The following COL10A1 variants were observed in gnomAD, a reference collection of about 807,000 sequenced individuals.
The protein encoded by COL10A1 is collagen type X alpha 1 chain, also known as collagen alpha-1(X) chain.
A neutral mutation model predicts 18.2 loss-of-function variants in COL10A1; 10 were observed. The observed-to-expected ratio is 0.55, with a 90% CI of 0.34 to 0.93. COL10A1 has a LOEUF of 0.93. COL10A1 is among the 40% of genes least tolerant of loss of function. COL10A1 has a pLI of 0.02. For missense variants in COL10A1, 897 were observed against 853.5 expected, an observed-to-expected ratio of 1.05 and a Z score of -0.64; for synonymous variants, 330 against 316.6, an observed-to-expected ratio of 1.04 and a Z score of -0.45.
chr6:116,200,002 G>GA, the COL10A1 span, among the ~76,000 whole-genome samples: 1 of 101,204 alleles, frequency 9.9e-6, no homozygotes, highest in Admixed American at 1.2e-4. Context: ...TGGAAAGTGG[G>GA]GGGGGAAGAG....
chr6:116,192,727 A>G, the COL10A1 span, among the ~76,000 whole-genome samples: 5 of 152,062 alleles, frequency 3.3e-5, no homozygotes, highest in Non-Finnish European at 7.4e-5. Context: ...ACTAACCAGA[A>G]TCTATCTGGT....
At chr6:116,214,974 A>G in the COL10A1 span, among the ~76,000 whole-genome samples, 15 of 152,062 alleles carry the variant, frequency 9.9e-5, no homozygotes, top group African/African-American at 2.9e-4. Context: ...AGAGGTCTCT[A>G]GGGTGGGGGG....
chr6:116,170,265 G>T, the COL10A1 span, among the ~76,000 whole-genome samples: 1 of 152,146 alleles, frequency 6.6e-6, no homozygotes, highest in Non-Finnish European at 1.5e-5. Flanking sequence ...TGATTGGGGG[G>T]TGTGACCTGA....
At chr6:116,122,018 GA>G (rs908012894) in intron 2 of COL10A1, 57 bp from the exon 3 acceptor site, 17 of 1,422,210 alleles carry the variant, frequency 1.2e-5, no homozygotes, top group Non-Finnish European at 1.7e-5. Flanking sequence ...TGACATTAAA[GA>G]GAATCATTGC....
At chr6:116,204,294 G>A in the COL10A1 span, among the ~76,000 whole-genome samples, 12 of 151,870 alleles carry the variant, frequency 7.9e-5, no homozygotes, top group Non-Finnish European at 1.5e-4. Context: ...TTGCTTTTTG[G>A]TAATTACTTC....
chr6:116,160,840 G>T (rs1780309292), upstream of COL10A1, among the ~76,000 whole-genome samples: 1 of 151,824 alleles, frequency 6.6e-6, no homozygotes, highest in African/African-American at 2.4e-5. Context: ...CCCATTACTG[G>T]GTATATACCC....
the COL10A1 span, among the ~76,000 whole-genome samples, chr6:116,183,383 T>A: frequency 6.6e-6 from 1 of 152,108 alleles, no homozygotes; most frequent in South Asian, 2.1e-4. Context: ...ATATGAATTT[T>A]AGGACTTTTT....
At chr6:116,131,538 A>G (rs1270111206) in intron 1 of COL10A1, among the ~76,000 whole-genome samples, 1 of 152,178 alleles carries the variant, frequency 6.6e-6, no homozygotes, top group Middle Eastern at 3.2e-3. Flanking sequence ...ATCATTGCAG[A>G]ACATTGTGTA....
At chr6:116,136,625 ATTTGT>A (rs1779611234) in intron 1 of COL10A1, among the ~76,000 whole-genome samples, 1 of 152,184 alleles carries the variant, frequency 6.6e-6, no homozygotes, top group African/African-American at 2.4e-5. Context: ...GTCAAATTTC[ATTTGT>A]GAAATCTCAG....
the COL10A1 span, among the ~76,000 whole-genome samples, chr6:116,177,355 G>A: frequency 6.6e-6 from 1 of 152,072 alleles, no homozygotes; most frequent in Non-Finnish European, 1.5e-5. Flanking sequence ...TCCAAAGACA[G>A]GCACCACTAT....
rs917706895 is a variant in COL10A1 at position 116,150,226 on chromosome 6, G to T, written c.-16+8388C>A. ...ATGGCTTTCACATGGAGAGCATGCT[G>T]AGGGAGCCCATGGCCACTGACAGAT... On this transcript the variant is annotated intron_variant, in intron 1 of 1. Coordinates refer to the COL10A1 transcript ENST00000418500. Among the ~76,000 whole-genome samples the T allele has an allele frequency of 2.6e-5, 4 of 152,232 alleles. No individual in the cohort carries two copies. The East Asian group carries it at 7.7e-4, about 29-fold the overall frequency.
chr6:116,211,654 G>A, the COL10A1 span, among the ~76,000 whole-genome samples: 2 of 152,016 alleles, frequency 1.3e-5, no homozygotes, highest in African/African-American at 2.4e-5. Context: ...TAGAGTCCAC[G>A]AAGTATATTT....
chr6:116,175,179 C>T, the COL10A1 span, among the ~76,000 whole-genome samples: 1 of 151,974 alleles, frequency 6.6e-6, no homozygotes, highest in African/African-American at 2.4e-5. Context: ...GTATAATTGC[C>T]ATTCCAATCA....
chr6:116,186,246 T>C, the COL10A1 span, among the ~76,000 whole-genome samples: 2 of 152,044 alleles, frequency 1.3e-5, no homozygotes, highest in African/African-American at 4.8e-5. Flanking sequence ...CTGCTGTTAA[T>C]CTGATAGGTT....
chr6:116,204,617 T>G, the COL10A1 span, among the ~76,000 whole-genome samples: 1 of 152,004 alleles, frequency 6.6e-6, no homozygotes, highest in Non-Finnish European at 1.5e-5. Context: ...TTAACATTTA[T>G]AAGCCCTAAA....
the COL10A1 span, among the ~76,000 whole-genome samples, chr6:116,214,896 T>C: frequency 6.6e-6 from 1 of 152,058 alleles, no homozygotes; most frequent in African/African-American, 2.4e-5. Context: ...TAAACGGTCC[T>C]TTGAAGCTGC....
At chr6:116,130,572 C>G (rs1162213163), upstream of COL10A1, among the ~76,000 whole-genome samples, 1 of 152,070 alleles carries the variant, frequency 6.6e-6, no homozygotes, top group East Asian at 1.9e-4. Flanking sequence ...GTCTGAGTGC[C>G]TGGATGTCTG....
upstream of COL10A1, among the ~76,000 whole-genome samples, chr6:116,128,865 C>A (rs1056276977): frequency 6.6e-6 from 1 of 152,092 alleles, no homozygotes; most frequent in African/African-American, 2.4e-5. Context: ...TCTATTACCA[C>A]CTTGTTAATA....
At chr6:116,155,927 G>A (rs529284005) in intron 1 of COL10A1, among the ~76,000 whole-genome samples, 1 of 152,128 alleles carries the variant, frequency 6.6e-6, no homozygotes, top group South Asian at 2.1e-4. Flanking sequence ...GAATTTACAA[G>A]AGACAAATGT....
Sources: gnomAD v4.1 joint callset for allele counts (sites outside exome capture counted in the v4.1 genomes callset) on GRCh38, gnomAD v4.1.1 for gene constraint, MANE v1.5 for transcripts, NCBI Gene and HGNC (gene_info 2026-07-23, HGNC 2026-07-21) for gene names.